SLC48A1: variants seen among roughly 807,000 people sequenced by gnomAD.
The protein encoded by SLC48A1 is solute carrier family 48 member 1, also known as heme transporter HRG1.
SLC48A1 carries 6 observed loss-of-function variants against 14.8 expected under a neutral mutation model. The observed-to-expected ratio is 0.41, with a 90% CI of 0.22 to 0.80. The LOEUF (loss-of-function observed/expected upper bound fraction) is 0.80. Ranked by LOEUF, SLC48A1 falls within the 30% of genes least tolerant of loss-of-function variation. The pLI, the probability that SLC48A1 is intolerant of heterozygous loss-of-function variation, is 0.34. For missense variants in SLC48A1, 165 were observed against 204.8 expected (o/e 0.81, Z 1.19); for synonymous variants, 89 against 90.0 (o/e 0.99, Z 0.06).
chr12:47,768,001 G>A (rs1021963637), upstream of SLC48A1, among the ~76,000 whole-genome samples: 1 of 151,658 alleles, frequency 6.6e-6, no homozygotes, highest in South Asian at 2.1e-4. Flanking sequence ...TTCTTGAGAC[G>A]GAGTCTCACT....
chr12:47,758,660 G>A, exon 1 of SLC48A1: 1 of 1,575,380 alleles, frequency 6.3e-7, no homozygotes, highest in South Asian at 1.2e-5. Flanking sequence ...GGTGCCAGTG[G>A]GTAAGTCCAG....
intron 2 of SLC48A1, among the ~76,000 whole-genome samples, chr12:47,779,603 G>C (rs1942823254): frequency 6.6e-6 from 1 of 152,186 alleles, no homozygotes; most frequent in South Asian, 2.1e-4. Context: ...ATACAGACCT[G>C]TGATTGGCCA....
upstream of SLC48A1, among the ~76,000 whole-genome samples, chr12:47,757,526 G>A (rs1027425663): frequency 6.6e-6 from 1 of 152,010 alleles, no homozygotes; most frequent in African/African-American, 2.4e-5. Flanking sequence ...CCATTGACCC[G>A]GCCCCCATAC....
chr12:47,761,341 C>T (rs1165402607), intron 2 of SLC48A1, among the ~76,000 whole-genome samples: 1 of 152,216 alleles, frequency 6.6e-6, no homozygotes. Context: ...TTCAACACTA[C>T]TCTTGCCTTT....
At chr12:47,767,477 A>C (rs921116861), upstream of SLC48A1, among the ~76,000 whole-genome samples, 1 of 152,238 alleles carries the variant, frequency 6.6e-6, no homozygotes, top group Non-Finnish European at 1.5e-5. Flanking sequence ...GTGAATAACT[A>C]TCATAGTTTG....
rs547858548 is a variant in SLC48A1, at chr12:47,782,223, G to A, written c.*1942G>A. 3 of 152,310 alleles carry A rather than the reference G, an allele frequency of 2.0e-5. No homozygotes were observed. Among genetic ancestry groups the A allele is most frequent in the Non-Finnish European group, 4.4e-5 (3 of 68,086 alleles). The allele number at this position is 152,310 out of a possible 1,614,324, so 9.4% of individuals were successfully genotyped here. A position where few individuals can be genotyped will look rare whatever the true frequency, so the allele number is the denominator to read the frequency against. ...TCACCCCTTCTCTCTTCTAGGCTCA[G>A]TGTATGCTTAATCAGGCATGGTGCA... On this transcript the variant is annotated 3_prime_UTR_variant, in exon 3 of 3. Coordinates refer to ENST00000442218, the MANE Select transcript of SLC48A1 (RefSeq NM_017842.3).
chr12:47,771,138 T>TTA (rs1719417336), upstream of SLC48A1: 21 of 294,776 alleles, frequency 7.1e-5, 1 homozygote, highest in South Asian at 6.0e-4. Context: ...TGGGTTTATT[T>TTA]TTTTATTTTT....
At chr12:47,773,809 AAC>A (rs34356737) in intron 1 of SLC48A1, among the ~76,000 whole-genome samples, 32 of 150,522 alleles carry the variant, frequency 2.1e-4, no homozygotes, top group Middle Eastern at 3.5e-3. Context: ...CCTATCCCCA[AAC>A]ACACACACAC....
chr12:47,778,087 G>A (rs567445749), intron 1 of SLC48A1, among the ~76,000 whole-genome samples: 15 of 152,202 alleles, frequency 9.9e-5, no homozygotes, highest in Non-Finnish European at 1.8e-4. Flanking sequence ...GGGATCCACC[G>A]CCCTGCCCGG....
At chr12:47,760,447 T>C (rs915436804) in intron 2 of SLC48A1, 5 of 980,822 alleles carry the variant, frequency 5.1e-6, no homozygotes, top group Non-Finnish European at 6.1e-6. Context: ...GAGTTTCGGG[T>C]TGCTGGGGCC....
Position 47,779,023 on chromosome 12 carries a change from T to G in SLC48A1, c.137-5T>G. ...GGGATGGGCCCTGATGTGTCTCTCC[T>G]GCAGGGGTGCTGGCACTGTGGGTCC... On this transcript the variant is annotated splice_polypyrimidine_tract_variant and splice_region_variant and intron_variant, in intron 1 of 2. Transcript: ENST00000442218. 1 of 1,551,372 alleles carries G rather than the reference T, an allele frequency of 6.4e-7. No homozygotes were observed. Among genetic ancestry groups the G allele is most frequent in the South Asian group, 1.2e-5 (1 of 84,022 alleles).
upstream of SLC48A1, among the ~76,000 whole-genome samples, chr12:47,755,189 C>T (rs557465381): frequency 4.0e-4 from 61 of 152,272 alleles, no homozygotes; most frequent in Middle Eastern, 3.4e-3. Context: ...GACCAAAGCC[C>T]AGCTTTGCCA....
intron 2 of SLC48A1, among the ~76,000 whole-genome samples, chr12:47,763,097 C>A (rs1334387591): frequency 1.3e-5 from 2 of 152,226 alleles, no homozygotes; most frequent in African/African-American, 4.8e-5. Context: ...GAACAGTGGG[C>A]AGTCAGCTGG....
Position 47,780,949 on chromosome 12 carries a change from C to T in SLC48A1, c.*668C>T. The T allele has an allele frequency of 1.9e-6, 1 of 532,820 alleles. No individual in the cohort carries two copies. The highest frequency in any genetic ancestry group is 3.8e-6 in the Non-Finnish European group (1 of 259,904). 33.0% of individuals were successfully genotyped at this position (532,820 alleles called of 1,614,324 possible). ...AAGTCAAGAGGTCAAGGTGTAGGGC[C>T]ATGAGGCCTGGACCTATGCTGCAGG... On this transcript the variant is annotated 3_prime_UTR_variant, in exon 3 of 3. Transcript: ENST00000442218.
At chr12:47,762,477 G>T (rs920067282) in intron 2 of SLC48A1, among the ~76,000 whole-genome samples, 1 of 152,160 alleles carries the variant, frequency 6.6e-6, no homozygotes, top group Non-Finnish European at 1.5e-5. Context: ...CATCCAGCCA[G>T]CCACCAAGTC....
chr12:47,756,959 C>G (rs1942099461), upstream of SLC48A1, among the ~76,000 whole-genome samples: 1 of 149,458 alleles, frequency 6.7e-6, no homozygotes, highest in African/African-American at 2.5e-5. Context: ...CAGAGGAAGA[C>G]TCTGGTTAAA....
rs951519725 is a variant in SLC48A1 at position 47,782,675 on chromosome 12, C to T, written c.*2394C>T. 3 of 152,252 alleles carry T rather than the reference C, an allele frequency of 2.0e-5. No individual in the cohort carries two copies. The highest frequency in any genetic ancestry group is 1.9e-4 in the East Asian group (1 of 5,200). The allele number at this position is 152,252 out of a possible 1,614,324, so 9.4% of individuals were successfully genotyped here. On this transcript the variant is annotated 3_prime_UTR_variant, in exon 3 of 3. Coordinates refer to ENST00000442218, the MANE Select transcript of SLC48A1 (RefSeq NM_017842.3). Reference sequence around the variant, plus strand: ...CGTGCAGCTGTGTGCCCTGCACACCCGCTTGACGGCGCACTGCTCACTTCT... The same window carrying T: ...CGTGCAGCTGTGTGCCCTGCACACCTGCTTGACGGCGCACTGCTCACTTCT...
chr12:47,766,432 G>A (rs1339595290), intron 2 of SLC48A1, among the ~76,000 whole-genome samples: 1 of 152,178 alleles, frequency 6.6e-6, no homozygotes, highest in Non-Finnish European at 1.5e-5. Context: ...CCAGGCCCAA[G>A]TCCCTGTGGA....
At chr12:47,778,910 T>G in intron 1 of SLC48A1, 118 bp from the exon 2 acceptor site, 1 of 1,201,386 alleles carries the variant, frequency 8.3e-7, no homozygotes, top group Non-Finnish European at 1.1e-6. Context: ...CTCCATTCTA[T>G]GAGGGAATGA....
Sources: allele counts gnomAD v4.1 joint callset (sites outside exome capture counted in the v4.1 genomes callset), GRCh38; gene constraint gnomAD v4.1.1; transcripts MANE v1.5; gene names NCBI Gene and HGNC (gene_info 2026-07-23, HGNC 2026-07-21).